The following BTNL8 variants were observed in gnomAD, a reference collection of about 807,000 sequenced individuals.
The protein encoded by BTNL8 is butyrophilin like 8, also known as butyrophilin-like protein 8.
In BTNL8, 22 loss-of-function variants were observed where a neutral mutation model predicts 36.1. That is an observed-to-expected ratio of 0.61 (90% confidence interval 0.44 to 0.87). The LOEUF (loss-of-function observed/expected upper bound fraction) is 0.87. Among genes scored for constraint, BTNL8 ranks in the 40% least tolerant of loss-of-function variants. The probability of loss-of-function intolerance (pLI) is 0.00; values close to 1 mark genes in which losing one functional copy is unlikely to be tolerated. For missense variants in BTNL8, 526 were observed against 616.9 expected (o/e 0.85, Z 1.56); for synonymous variants, 203 against 235.6 (o/e 0.86, Z 1.27).
At chr5:180,923,978 G>C (rs1223115436) in intron 3 of BTNL8, among the ~76,000 whole-genome samples, 1 of 152,108 alleles carries the variant, frequency 6.6e-6, no homozygotes, top group African/African-American at 2.4e-5. Context: ...AAAATAAGAG[G>C]AGAGACACAT....
chr5:180,908,846 A>T lies in BTNL8; in HGVS notation c.310A>T (p.Ile104Phe). 1.2e-6 allele frequency: 2 copies of T among 1,614,094 alleles called. No homozygotes were observed. Among genetic ancestry groups the T allele is most frequent in the African/African-American group, 2.7e-5 (2 of 74,992 alleles). The stretch of plus-strand genomic sequence containing the variant: ...GCGCATCTCTCTGAGGCTGGAAAAC[A>T]TTACTGTGTTGGATGCTGGCCTCTA... Reference protein sequence around the residue: ...EGRISLRLENITVLDAGLYGC... With the variant: ...EGRISLRLENFTVLDAGLYGC... Residue 104 changes from isoleucine to phenylalanine, a missense_variant, in exon 2 of 8, where the codon ATT (isoleucine) becomes TTT (phenylalanine). By Grantham distance (21) the Ile-to-Phe change is conservative. Transcript: ENST00000340184.
At chr5:180,934,452 A>T (rs1355773805) in intron 3 of BTNL8, among the ~76,000 whole-genome samples, 2 of 152,170 alleles carry the variant, frequency 1.3e-5, no homozygotes, top group African/African-American at 4.8e-5. Context: ...TTGTGATACC[A>T]GTCCAGATCC....
rs765024377 is a variant in BTNL8, at chr5:180,947,576, C to G, written c.738C>G (p.Gly246=). The G allele has an allele frequency of 7.8e-5, 126 of 1,613,970 alleles. No homozygotes were observed. Among genetic ancestry groups the G allele is most frequent in the Non-Finnish European group, 1.0e-4 (121 of 1,179,976 alleles). The change falls in exon 4 of 8, where the codon GGC becomes GGG. Residue 246 remains glycine (G), a synonymous_variant. Coordinates refer to ENST00000340184, the MANE Select transcript of BTNL8 (RefSeq NM_001040462.3). ...ATKVLGILCC[G]LFFGIVGLKI... ...AAGTACTGGGAATACTCTGCTGTGG[C>G]CTATTTTTTGGCATTGTTGGACTGA...
rs1292496596 is a variant in BTNL8, at chr5:180,946,943, C to A, written c.674-569C>A. On this transcript the variant is annotated intron_variant, in intron 3 of 7. Transcript: ENST00000340184. ...AAGAGATAGTTTTTCAGACAAGATGCAAATATTTTAAGACATCAGTTCTCT... is the reference window on the plus strand; with the variant it reads ...AAGAGATAGTTTTTCAGACAAGATGAAAATATTTTAAGACATCAGTTCTCT... Among the ~76,000 whole-genome samples, 9 of 152,210 alleles carry A rather than the reference C, an allele frequency of 5.9e-5. No homozygotes were observed. In the East Asian group the frequency reaches 9.6e-4, roughly 16 times the overall value.
chr5:180,949,259 C>A lies in BTNL8; in HGVS notation c.856C>A (p.His286Asn). The change falls in exon 7 of 8, where the codon CAC becomes AAC. Residue 286 changes from histidine to asparagine, a missense_variant. This residue lies in a region of BTNL8 where 176 missense variants were observed against 292.3 expected (regional missense o/e 0.60). Coordinates refer to ENST00000340184, the MANE Select transcript of BTNL8 (RefSeq NM_001040462.3). ...TTCAGAATTGAGAGACGCCCGGAAACACGCAGGTACCAACGCCTGAGAGGG... is the reference window on the plus strand; with the variant it reads ...TTCAGAATTGAGAGACGCCCGGAAAAACGCAGGTACCAACGCCTGAGAGGG... ...GQAELRDARK[H>N]AVEVTLDPET... 6.8e-7 allele frequency: 1 copy of A among 1,460,660 alleles called. No individual in the cohort carries two copies. The highest frequency in any genetic ancestry group is 9.5e-7 in the Non-Finnish European group (1 of 1,058,190). 90.5% of individuals were successfully genotyped at this position (1,460,660 alleles called of 1,614,324 possible). A position where few individuals can be genotyped will look rare whatever the true frequency, so the allele number is the denominator to read the frequency against.
At chr5:180,949,730 C>A in intron 7 of BTNL8, 174 bp from the exon 8 acceptor site, 1 of 814,586 alleles carries the variant, frequency 1.2e-6, no homozygotes, top group Non-Finnish European at 1.9e-6. Flanking sequence ...GATGAGTCCT[C>A]CAGGCTGCAC....
chr5:180,950,789 T>A lies in BTNL8; in HGVS notation c.*245T>A, dbSNP rs1759519920. Reference sequence around the variant, plus strand: ...CTCTCAGGTGAAGAACCGTCAGGAATTCCCATCTCACAGGCTGTGGTGTAG... The same window carrying A: ...CTCTCAGGTGAAGAACCGTCAGGAAATCCCATCTCACAGGCTGTGGTGTAG... On this transcript the variant is annotated 3_prime_UTR_variant, in exon 8 of 8. Transcript: ENST00000340184. 1 of 483,792 alleles carries A rather than the reference T, an allele frequency of 2.1e-6. No individual in the cohort carries two copies. 30.0% of individuals were successfully genotyped at this position (483,792 alleles called of 1,614,324 possible).
chr5:180,906,049 A>G (rs1757067040), intron 1 of BTNL8, among the ~76,000 whole-genome samples: 1 of 144,310 alleles, frequency 6.9e-6, no homozygotes, highest in Admixed American at 6.8e-5. Context: ...CGCTTGGTGC[A>G]GAGCTGAGTT....
intron 4 of BTNL8, 121 bp from the exon 5 acceptor site, chr5:180,948,234 G>A: frequency 7.4e-7 from 1 of 1,347,904 alleles, no homozygotes; most frequent in South Asian, 1.2e-5. Flanking sequence ...ACATATAAGT[G>A]TCCTAGGAGA....
intron 3 of BTNL8, among the ~76,000 whole-genome samples, chr5:180,913,352 T>C (rs564474167): frequency 2.0e-5 from 3 of 152,322 alleles, no homozygotes; most frequent in Non-Finnish European, 2.9e-5. Flanking sequence ...ACAATGCTGA[T>C]GCTACGCAGG....
intron 3 of BTNL8, among the ~76,000 whole-genome samples, chr5:180,913,126 A>C (rs149353134): frequency 3.9e-4 from 60 of 152,310 alleles, no homozygotes; most frequent in Admixed American, 9.1e-4. Flanking sequence ...GACTGGGAAG[A>C]AATGAGATTC....
At position 180,899,961 on chromosome 5, in the gene BTNL8, T is replaced by C. The variant is rs151044363; in HGVS notation, c.49+602T>C. On this transcript the variant is annotated intron_variant, in intron 1 of 7. Transcript: ENST00000340184. Reference sequence around the variant, plus strand: ...GAGGTTGGGGTAGAATGCTGGTGGCTAGATGGTCAGTACCCAGCCACAGAA... The same window carrying C: ...GAGGTTGGGGTAGAATGCTGGTGGCCAGATGGTCAGTACCCAGCCACAGAA... Among the ~76,000 whole-genome samples the C allele has an allele frequency of 2.3e-3, 349 of 152,312 alleles. 4 individuals carry two copies. The highest frequency in any genetic ancestry group is 0.02 in the Middle Eastern group (6 of 294).
chr5:180,932,610 A>G (rs566525586), intron 3 of BTNL8, among the ~76,000 whole-genome samples: 1 of 152,258 alleles, frequency 6.6e-6, no homozygotes, highest in African/African-American at 2.4e-5. Flanking sequence ...CGGCCTCCCA[A>G]AGTGCTGGGA....
At chr5:180,946,385 A>G (rs1415200726) in intron 3 of BTNL8, among the ~76,000 whole-genome samples, 1 of 152,218 alleles carries the variant, frequency 6.6e-6, no homozygotes, top group African/African-American at 2.4e-5. Context: ...ATGAATGGAT[A>G]AAGAAAATGT....
At chr5:180,905,030 GC>G (rs1757016681) in intron 1 of BTNL8, among the ~76,000 whole-genome samples, 1 of 150,324 alleles carries the variant, frequency 6.7e-6, no homozygotes, top group Non-Finnish European at 1.5e-5. Flanking sequence ...TCAGAATGAT[GC>G]TAGCCTCATA....
chr5:180,930,153 G>A (rs1758302469), intron 3 of BTNL8, among the ~76,000 whole-genome samples: 1 of 152,172 alleles, frequency 6.6e-6, no homozygotes, highest in Non-Finnish European at 1.5e-5. Context: ...ATGCAAGGCT[G>A]GTTCAACATA....
At chr5:180,901,875 G>A (rs767238821) in intron 1 of BTNL8, among the ~76,000 whole-genome samples, 15 of 152,306 alleles carry the variant, frequency 9.8e-5, no homozygotes, top group South Asian at 2.1e-4. Context: ...ACACGTGAAC[G>A]TGCTAAAGAA....
chr5:180,943,601 ATT>A (rs1759092666), intron 3 of BTNL8, among the ~76,000 whole-genome samples: 1 of 152,204 alleles, frequency 6.6e-6, no homozygotes. Flanking sequence ...AAAGATAACA[ATT>A]GTTGATGTGG....
At chr5:180,939,276 TG>T (rs547331241) in intron 3 of BTNL8, among the ~76,000 whole-genome samples, 44 of 151,870 alleles carry the variant, frequency 2.9e-4, no homozygotes, top group Admixed American at 2.9e-3. Context: ...AATGAATAAA[TG>T]AAAAAAGATC....
Sources: allele counts gnomAD v4.1 joint callset (sites outside exome capture counted in the v4.1 genomes callset), GRCh38; gene constraint gnomAD v4.1.1; regional missense constraint gnomAD v4.1.1; transcripts MANE v1.5; gene names NCBI Gene and HGNC (gene_info 2026-07-23, HGNC 2026-07-21).